The following CAMKMT variants were observed in gnomAD, a reference collection of about 807,000 sequenced individuals.
CAMKMT encodes the protein calmodulin-lysine N-methyltransferase, also known as CaM KMT.
In CAMKMT, 53 loss-of-function variants were observed where a neutral mutation model predicts 48.0. The ratio of observed to expected loss-of-function variants is 1.10; its 90% CI spans 0.89 to 1.39. The LOEUF (loss-of-function observed/expected upper bound fraction) is 1.39, where lower values mean the gene tolerates loss of function less well. CAMKMT is among the 40% of genes most tolerant of loss of function. The pLI is 0.00. For missense variants in CAMKMT, 428 were observed against 402.7 expected, an observed-to-expected ratio of 1.06 and a Z score of -0.54; for synonymous variants, 165 against 152.3, an observed-to-expected ratio of 1.08 and a Z score of -0.61.
rs531561322 is a variant in CAMKMT at position 44,488,907 on chromosome 2, C to G, written c.376+98602C>G. Among the ~76,000 whole-genome samples the G allele has an allele frequency of 4.7e-5, 7 of 149,280 alleles. No homozygotes were observed. The South Asian group carries it at 1.5e-3, about 31-fold the overall frequency. On this transcript the variant is annotated intron_variant, in intron 3 of 10. Coordinates refer to ENST00000378494, the MANE Select transcript of CAMKMT (RefSeq NM_024766.5). Reference sequence around the variant, plus strand: ...AAGAAATGGAGTCCCTTTCCATTGCCCAGACTGGAGTACAGTGGCACAGTC... The same window carrying G: ...AAGAAATGGAGTCCCTTTCCATTGCGCAGACTGGAGTACAGTGGCACAGTC...
intron 3 of CAMKMT, among the ~76,000 whole-genome samples, chr2:44,584,818 G>T (rs1341672231): frequency 6.6e-6 from 1 of 152,106 alleles, no homozygotes; most frequent in East Asian, 1.9e-4. Context: ...ACTTTGGGAG[G>T]CTGAAGCGGG....
At chr2:44,498,782 A>T (rs749147166) in intron 3 of CAMKMT, among the ~76,000 whole-genome samples, 1 of 152,244 alleles carries the variant, frequency 6.6e-6, no homozygotes, top group South Asian at 2.1e-4. Flanking sequence ...TTTGGGAAGG[A>T]ATCTGTTGCT....
chr2:44,542,325 G>A (rs1248109965), intron 3 of CAMKMT, among the ~76,000 whole-genome samples: 1 of 151,930 alleles, frequency 6.6e-6, no homozygotes, highest in African/African-American at 2.4e-5. Context: ...TCCATATAGG[G>A]CCCCCAAAAA....
intron 3 of CAMKMT, among the ~76,000 whole-genome samples, chr2:44,557,975 A>G (rs746982309): frequency 1.3e-5 from 2 of 152,170 alleles, no homozygotes; most frequent in Non-Finnish European, 2.9e-5. Flanking sequence ...AAACTTACAT[A>G]ATGAGTTTCA....
At chr2:44,596,074 G>A (rs1283708189) in intron 3 of CAMKMT, among the ~76,000 whole-genome samples, 4 of 151,182 alleles carry the variant, frequency 2.6e-5, no homozygotes, top group Non-Finnish European at 5.9e-5. Flanking sequence ...ACCATGGCAC[G>A]TATATACCTA....
chr2:44,624,328 G>A (rs1189532126), intron 3 of CAMKMT, among the ~76,000 whole-genome samples: 7 of 151,510 alleles, frequency 4.6e-5, no homozygotes, highest in Admixed American at 3.3e-4. Context: ...AATTTTATTT[G>A]TCTTTTTTAT....
chr2:44,447,399 C>G (rs1239021202), intron 3 of CAMKMT, among the ~76,000 whole-genome samples: 2 of 152,096 alleles, frequency 1.3e-5, no homozygotes, highest in African/African-American at 4.8e-5. Flanking sequence ...ACATTAGTGC[C>G]TACCGTAGTT....
chr2:44,704,345 T>C lies in CAMKMT; in HGVS notation c.437+2T>C, dbSNP rs777933335. 6.3e-7 allele frequency: 1 copy of C among 1,588,626 alleles called. No homozygotes were observed. The highest frequency in any genetic ancestry group is 1.7e-5 in the Admixed American group (1 of 57,790). ...CCTCAAGCACAATAATATATTCAGG[T>C]ACAGAGCTGCACTTAAGATATTTTT... On this transcript the variant is annotated splice_donor_variant, in intron 4 of 10. Transcript: ENST00000378494. LOFTEE classifies it high-confidence loss of function.
At chr2:44,462,298 G>T (rs903765619) in intron 3 of CAMKMT, among the ~76,000 whole-genome samples, 1 of 152,004 alleles carries the variant, frequency 6.6e-6, no homozygotes, top group African/African-American at 2.4e-5. Context: ...TTAATTCTCA[G>T]TTAACATTTT....
At chr2:44,407,073 C>G (rs959815345) in intron 3 of CAMKMT, among the ~76,000 whole-genome samples, 1 of 152,100 alleles carries the variant, frequency 6.6e-6, no homozygotes, top group Non-Finnish European at 1.5e-5. Context: ...TCTGTTAGGT[C>G]ATTAGTGTAG....
At chr2:44,439,654 C>T (rs913670579) in intron 3 of CAMKMT, among the ~76,000 whole-genome samples, 1 of 151,790 alleles carries the variant, frequency 6.6e-6, no homozygotes, top group Non-Finnish European at 1.5e-5. Context: ...CTGGCTAACA[C>T]GGTGAAACCC....
At chr2:44,408,287 G>T (rs1682924350) in intron 3 of CAMKMT, among the ~76,000 whole-genome samples, 3 of 151,974 alleles carry the variant, frequency 2.0e-5, no homozygotes, top group Admixed American at 2.0e-4. Flanking sequence ...GCCTCCCAAA[G>T]TTCTGGGATT....
At chr2:44,365,765 A>G (rs562480000) in intron 1 of CAMKMT, among the ~76,000 whole-genome samples, 2 of 152,324 alleles carry the variant, frequency 1.3e-5, no homozygotes, top group South Asian at 4.1e-4. Context: ...AAAGGAGGCA[A>G]TGTAGGGCAG....
intron 2 of CAMKMT, among the ~76,000 whole-genome samples, chr2:44,380,537 G>A (rs1680134463): frequency 6.6e-6 from 1 of 152,062 alleles, no homozygotes; most frequent in African/African-American, 2.4e-5. Context: ...CTTGACGCTT[G>A]AATAAAGTAG....
intron 3 of CAMKMT, among the ~76,000 whole-genome samples, chr2:44,419,241 G>A (rs974030624): frequency 6.6e-6 from 1 of 152,212 alleles, no homozygotes; most frequent in East Asian, 1.9e-4. Flanking sequence ...GATGAGATTT[G>A]AAATGTGGAC....
chr2:44,497,304 T>C (rs968999650), intron 3 of CAMKMT, among the ~76,000 whole-genome samples: 1 of 151,310 alleles, frequency 6.6e-6, no homozygotes, highest in African/African-American at 2.4e-5. Flanking sequence ...TTGGACAGTG[T>C]TCATTTTTCA....
chr2:44,532,817 G>GT lies in CAMKMT; in HGVS notation c.376+142527dup, dbSNP rs371505482. 1.0e-3 allele frequency among the ~76,000 whole-genome samples: 152 copies of GT among 146,102 alleles called. 1 individual carries two copies. The highest frequency in any genetic ancestry group is 3.5e-3 in the Middle Eastern group (1 of 288). On this transcript the variant is annotated intron_variant, in intron 3 of 10. Transcript: ENST00000378494. ...ATGAAGGTAACTGTATGCCATTAAA[G>GT]TTTTTTTTTTTTTTTGAGACAGAGT... is the stretch of plus-strand genomic sequence containing the variant.
chr2:44,575,658 T>G (rs897321423), intron 3 of CAMKMT, among the ~76,000 whole-genome samples: 2 of 151,978 alleles, frequency 1.3e-5, no homozygotes, highest in African/African-American at 4.8e-5. Context: ...TCTCTTGAGC[T>G]CAGGAGTTTG....
rs1553421477 is a variant in CAMKMT at position 44,592,219 on chromosome 2, T to TA, written c.377-112062dup. Among the ~76,000 whole-genome samples the TA allele has an allele frequency of 7.2e-4, 110 of 152,064 alleles. 1 individual carries two copies. Among genetic ancestry groups the TA allele is most frequent in the African/African-American group, 2.4e-3 (101 of 41,494 alleles). On this transcript the variant is annotated intron_variant, in intron 3 of 10. Coordinates refer to ENST00000378494, the MANE Select transcript of CAMKMT (RefSeq NM_024766.5). ...CCTAAAACTTAAAGTATAATAATAA[T>TA]AATAAATAAATAAATAAACTACGAA... is the stretch of plus-strand genomic sequence containing the variant.
Sources: gnomAD v4.1 joint callset for allele counts (sites outside exome capture counted in the v4.1 genomes callset) on GRCh38, gnomAD v4.1.1 for gene constraint, MANE v1.5 for transcripts, NCBI Gene and HGNC (gene_info 2026-07-23, HGNC 2026-07-21) for gene names.